The following ERC2 variants were observed in gnomAD, a reference collection of about 807,000 sequenced individuals.
ERC2 encodes ELKS/RAB6-interacting/CAST family member 2, also known as ERC protein 2.
Under a neutral mutation model 114.8 loss-of-function variants are expected in ERC2, and 42 were observed. That is an observed-to-expected ratio of 0.37 (90% CI 0.29 to 0.47). ERC2 has a LOEUF of 0.47. Among genes scored for constraint, ERC2 ranks in the 20% least tolerant of loss-of-function variants. ERC2 has a pLI of 0.99. For synonymous variants in ERC2, 454 were observed against 425.5 expected (o/e 1.07, Z -0.82); for missense variants, 939 against 1,150.7 (o/e 0.82, Z 2.66).
At chr3:55,609,223 G>A (rs2058775710) in intron 17 of ERC2, among the ~76,000 whole-genome samples, 1 of 152,138 alleles carries the variant, frequency 6.6e-6, no homozygotes, top group Non-Finnish European at 1.5e-5. Flanking sequence ...TTCCCTTTGA[G>A]GCAACACATT....
At chr3:55,664,745 C>A (rs1217804687) in intron 17 of ERC2, among the ~76,000 whole-genome samples, 10 of 152,166 alleles carry the variant, frequency 6.6e-5, no homozygotes, top group Non-Finnish European at 1.5e-4. Flanking sequence ...GTGGGGAAAC[C>A]AAACGCTCTT....
chr3:56,457,635 T>A (rs150985718), intron 1 of ERC2, among the ~76,000 whole-genome samples: 1 of 152,252 alleles, frequency 6.6e-6, no homozygotes, highest in Non-Finnish European at 1.5e-5. Flanking sequence ...CAGGGTCTTA[T>A]GCCCTGTCAC....
intron 3 of ERC2, among the ~76,000 whole-genome samples, chr3:56,174,892 C>G (rs1250119200): frequency 2.0e-5 from 3 of 151,620 alleles, no homozygotes; most frequent in Admixed American, 6.6e-5. Flanking sequence ...GCAGGAGAAT[C>G]CCTTGAACCA....
intron 2 of ERC2, among the ~76,000 whole-genome samples, chr3:56,384,584 CT>C (rs2059867541): frequency 6.6e-6 from 1 of 151,962 alleles, no homozygotes; most frequent in Non-Finnish European, 1.5e-5. Context: ...TATAGAAGTT[CT>C]TTAATTATTC....
At chr3:55,737,845 TG>T (rs2065735281) in intron 14 of ERC2, among the ~76,000 whole-genome samples, 1 of 152,046 alleles carries the variant, frequency 6.6e-6, no homozygotes, top group Admixed American at 6.6e-5. Context: ...AAGACAGAGG[TG>T]GTATTTCTTT....
chr3:55,812,390 G>A (rs528121494), intron 14 of ERC2, among the ~76,000 whole-genome samples: 2 of 152,308 alleles, frequency 1.3e-5, no homozygotes, highest in African/African-American at 4.8e-5. Flanking sequence ...ATCCATTAAT[G>A]TGATACTCAA....
chr3:56,418,135 GT>G, intron 2 of ERC2, among the ~76,000 whole-genome samples: 1 of 151,928 alleles, frequency 6.6e-6, no homozygotes, highest in Admixed American at 6.6e-5. Context: ...AAAAAAAATT[GT>G]TTAATAAAAA....
intron 16 of ERC2, among the ~76,000 whole-genome samples, chr3:55,690,383 C>G (rs1273743381): frequency 1.3e-5 from 2 of 152,144 alleles, no homozygotes; most frequent in Non-Finnish European, 2.9e-5. Context: ...TCCCTGCTTC[C>G]CGACATTTCA....
intron 14 of ERC2, among the ~76,000 whole-genome samples, chr3:55,748,537 C>G (rs2066453455): frequency 6.6e-6 from 1 of 152,196 alleles, no homozygotes; most frequent in South Asian, 2.1e-4. Context: ...TGTGATGATG[C>G]CACCAGACAC....
intron 13 of ERC2, among the ~76,000 whole-genome samples, chr3:55,897,840 T>C (rs1202670064): frequency 6.6e-6 from 1 of 152,162 alleles, no homozygotes; most frequent in African/African-American, 2.4e-5. Flanking sequence ...AAACTGAAAA[T>C]CCCCAGACTG....
intron 2 of ERC2, among the ~76,000 whole-genome samples, chr3:56,356,242 C>G (rs1297276743): frequency 3.3e-5 from 5 of 152,188 alleles, no homozygotes; most frequent in Non-Finnish European, 7.3e-5. Flanking sequence ...AATGAAAAAT[C>G]TGACTTCTCA....
At chr3:55,893,317 T>A (rs2063699384) in intron 13 of ERC2, among the ~76,000 whole-genome samples, 1 of 152,130 alleles carries the variant, frequency 6.6e-6, no homozygotes, top group Non-Finnish European at 1.5e-5. Context: ...TCCTTGTGAC[T>A]CCATCCTAGA....
At chr3:55,967,226 G>A (rs1164175635) in intron 12 of ERC2, among the ~76,000 whole-genome samples, 1 of 152,156 alleles carries the variant, frequency 6.6e-6, no homozygotes. Flanking sequence ...GCATAATTTA[G>A]AAATGAGAAA....
At chr3:55,884,378 A>C (rs1413337398) in intron 14 of ERC2, among the ~76,000 whole-genome samples, 4 of 152,190 alleles carry the variant, frequency 2.6e-5, no homozygotes. Context: ...AAAGATATAC[A>C]CCAAAATGCC....
intron 3 of ERC2, among the ~76,000 whole-genome samples, chr3:56,283,194 A>G (rs1188885139): frequency 6.6e-6 from 1 of 152,238 alleles, no homozygotes; most frequent in Non-Finnish European, 1.5e-5. Flanking sequence ...GCCATCGTGC[A>G]CCATTCTGTC....
intron 11 of ERC2, among the ~76,000 whole-genome samples, chr3:55,988,917 G>A (rs1470512090): frequency 6.6e-6 from 1 of 152,238 alleles, no homozygotes; most frequent in Non-Finnish European, 1.5e-5. Context: ...ACTGGAAGAA[G>A]ATGTTTTGGT....
At chr3:55,787,231 T>C (rs1294138183) in intron 14 of ERC2, among the ~76,000 whole-genome samples, 2 of 151,896 alleles carry the variant, frequency 1.3e-5, no homozygotes, top group African/African-American at 2.4e-5. Context: ...GCCCAGGAAA[T>C]ATGGTGAAAC....
chr3:56,406,724 A>G (rs1336580058), intron 2 of ERC2, among the ~76,000 whole-genome samples: 1 of 152,192 alleles, frequency 6.6e-6, no homozygotes, highest in Non-Finnish European at 1.5e-5. Context: ...CTCTAACTTG[A>G]ACAGTATTAT....
At chr3:56,213,277 G>A (rs1560387081) in intron 3 of ERC2, among the ~76,000 whole-genome samples, 1 of 152,200 alleles carries the variant, frequency 6.6e-6, no homozygotes, top group Admixed American at 6.5e-5. Context: ...CAAGGAAAGG[G>A]GTGACAGATG....
Sources: allele counts gnomAD v4.1 joint callset (sites outside exome capture counted in the v4.1 genomes callset), GRCh38; gene constraint gnomAD v4.1.1; transcripts MANE v1.5; gene names NCBI Gene and HGNC (gene_info 2026-07-23, HGNC 2026-07-21).